SMIM14: variants seen among roughly 807,000 people sequenced by gnomAD.
SMIM14 encodes chromosome 4 open reading frame 34.
A neutral mutation model predicts 12.6 loss-of-function variants in SMIM14; 5 were observed. That is an observed-to-expected ratio of 0.40 (90% CI 0.21 to 0.83). The LOEUF is 0.83. Among genes scored for constraint, SMIM14 ranks in the 40% least tolerant of loss-of-function variants. The pLI is 0.37. For missense variants in SMIM14, 86 were observed against 119.1 expected (o/e 0.72, Z 1.29); for synonymous variants, 30 against 40.1 (o/e 0.75, Z 0.95).
Position 39,576,474 on chromosome 4 carries a change from C to T in SMIM14, c.76-4011G>A, listed in dbSNP as rs541804785. On this transcript the variant is annotated intron_variant, in intron 2 of 4. Transcript: ENST00000295958. Reference sequence around the variant, plus strand: ...CTGCCTGTGAGTCAGTATCAAGGAACCAAAAGGCCACTGTGGTTGAAGCGT... The same window carrying T: ...CTGCCTGTGAGTCAGTATCAAGGAATCAAAAGGCCACTGTGGTTGAAGCGT... 1.3e-3 allele frequency among the ~76,000 whole-genome samples: 196 copies of T among 151,040 alleles called. 1 individual carries two copies. Among genetic ancestry groups the T allele is most frequent in the African/African-American group, 4.6e-3 (188 of 41,254 alleles).
chr4:39,637,126 A>G (rs1481449073), intron 1 of SMIM14, among the ~76,000 whole-genome samples: 1 of 152,260 alleles, frequency 6.6e-6, no homozygotes, highest in Non-Finnish European at 1.5e-5. Flanking sequence ...CCATATTTGT[A>G]TAAAATATAT....
intron 1 of SMIM14, among the ~76,000 whole-genome samples, chr4:39,617,929 T>C (rs1330412174): frequency 2.0e-5 from 3 of 152,078 alleles, no homozygotes; most frequent in Non-Finnish European, 4.4e-5. Context: ...ATCAGGAAAA[T>C]GACAATGCCT....
intron 1 of SMIM14, among the ~76,000 whole-genome samples, chr4:39,618,840 G>T (rs952135595): frequency 6.6e-6 from 1 of 151,928 alleles, no homozygotes; most frequent in African/African-American, 2.4e-5. Context: ...CTGCATGTTG[G>T]ACCTTGCAGG....
intron 2 of SMIM14, among the ~76,000 whole-genome samples, chr4:39,601,165 T>A (rs1490333666): frequency 6.6e-6 from 1 of 152,194 alleles, no homozygotes; most frequent in Non-Finnish European, 1.5e-5. Context: ...GCAAAGCTCA[T>A]CTATTTCTAC....
chr4:39,631,634 G>A (rs1198896130), intron 1 of SMIM14, among the ~76,000 whole-genome samples: 1 of 151,370 alleles, frequency 6.6e-6, no homozygotes, highest in Non-Finnish European at 1.5e-5. Context: ...ACTCTAGCCT[G>A]GGCCACAGAG....
At chr4:39,638,606 C>T in intron 1 of SMIM14, 133 bp downstream of exon 1, 1 of 976,520 alleles carries the variant, frequency 1.0e-6, no homozygotes, top group Non-Finnish European at 1.2e-6. Flanking sequence ...GCCGAGGAAA[C>T]GCCAAGCCCG....
chr4:39,558,262 T>C lies in SMIM14; in HGVS notation c.125-1692A>G, dbSNP rs1712115753. Among the ~76,000 whole-genome samples, 1 of 152,106 alleles carries C rather than the reference T, an allele frequency of 6.6e-6. No homozygotes were observed. Among genetic ancestry groups the C allele is most frequent in the Admixed American group, 6.6e-5 (1 of 15,252 alleles). ...CAGCACTTTGGAAGGCCAAGATGGG[T>C]GGATTGCTTGAGCTCAGGAATTCGA... On this transcript the variant is annotated intron_variant, in intron 3 of 4. Transcript: ENST00000295958. This position sits in a 1 kb window ranked among gnomAD's most constrained non-coding sequence, Gnocchi z 4.3.
chr4:39,630,525 T>C (rs1454686457), intron 1 of SMIM14, among the ~76,000 whole-genome samples: 2 of 152,132 alleles, frequency 1.3e-5, no homozygotes, highest in African/African-American at 4.8e-5. Context: ...ATAAACATCA[T>C]TAGTCATACT....
At position 39,582,665 on chromosome 4, in the gene SMIM14, A is replaced by C. The variant is rs920299269; in HGVS notation, c.76-10202T>G. 3.7e-5 allele frequency among the ~76,000 whole-genome samples: 5 copies of C among 136,726 alleles called. No individual in the cohort carries two copies. The Admixed American group carries it at 4.0e-4, about 11-fold the overall frequency. The allele number at this position is 136,726 out of a possible 152,430, so 89.7% of individuals were successfully genotyped here. A position where few individuals can be genotyped will look rare whatever the true frequency, so the allele number is the denominator to read the frequency against. Reference sequence around the variant, plus strand: ...GGCAACAAGAGTGAAACTCCATTTCAAAAAAAAAAAGAAAGGGTCTTATAG... The same window carrying C: ...GGCAACAAGAGTGAAACTCCATTTCCAAAAAAAAAAGAAAGGGTCTTATAG... On this transcript the variant is annotated intron_variant, in intron 2 of 4. Coordinates refer to ENST00000295958, the MANE Select transcript of SMIM14 (RefSeq NM_174921.3).
At chr4:39,607,215 T>G (rs1229889111) in intron 1 of SMIM14, among the ~76,000 whole-genome samples, 4 of 152,194 alleles carry the variant, frequency 2.6e-5, no homozygotes, top group Non-Finnish European at 5.9e-5. Flanking sequence ...ATGTGAATTG[T>G]GGACACATCC....
intron 2 of SMIM14, among the ~76,000 whole-genome samples, chr4:39,573,694 C>G (rs544916707): frequency 6.6e-6 from 1 of 151,420 alleles, no homozygotes; most frequent in South Asian, 2.1e-4. Flanking sequence ...AAATTAGAAG[C>G]AGATAAAGAA....
chr4:39,572,547 G>A (rs911559485), intron 2 of SMIM14, 84 bp from the exon 3 acceptor site: 52 of 1,203,068 alleles, frequency 4.3e-5, no homozygotes, highest in Non-Finnish European at 5.5e-5. Flanking sequence ...GTTTTGGCCG[G>A]GTGCGGTGGC....
intron 4 of SMIM14, 44 bp downstream of exon 4, chr4:39,556,384 T>G (rs757656778): frequency 7.0e-6 from 11 of 1,582,316 alleles, no homozygotes; most frequent in Middle Eastern, 1.7e-4. Flanking sequence ...CCAGGCCACA[T>G]ACATTCCCTT....
At chr4:39,576,676 ATATATATATTTTTTTTTTTT>A (rs1713199580) in intron 2 of SMIM14, among the ~76,000 whole-genome samples, 2 of 31,052 alleles carry the variant, frequency 6.4e-5, no homozygotes, top group African/African-American at 2.0e-4. Context: ...ATATATATAT[ATATATATATTTTTTTTTTTT>A]TTTTTTTTTT....
At chr4:39,600,732 G>A (rs56859166) in intron 2 of SMIM14, among the ~76,000 whole-genome samples, 18,727 of 151,836 alleles carry the variant, frequency 0.12, 1,693 homozygotes, top group South Asian at 0.32. Context: ...CTAGCCAGGT[G>A]TGGTGCTGTG....
At chr4:39,560,401 T>A (rs1261728493) in intron 3 of SMIM14, among the ~76,000 whole-genome samples, 5 of 151,702 alleles carry the variant, frequency 3.3e-5, no homozygotes, top group Non-Finnish European at 5.9e-5. Context: ...CTCAAACTCC[T>A]GACCTCAGGT....
At chr4:39,585,354 T>C (rs1229015811) in intron 2 of SMIM14, among the ~76,000 whole-genome samples, 1 of 151,996 alleles carries the variant, frequency 6.6e-6, no homozygotes, top group Non-Finnish European at 1.5e-5. Flanking sequence ...TGGAGTGCAG[T>C]GGTGCAATCT....
intron 4 of SMIM14, among the ~76,000 whole-genome samples, chr4:39,554,428 T>C (rs1711893915): frequency 6.6e-6 from 1 of 152,082 alleles, no homozygotes; most frequent in Admixed American, 6.6e-5. Flanking sequence ...GCCAACATGG[T>C]GAAACCCCAT....
intron 3 of SMIM14, among the ~76,000 whole-genome samples, chr4:39,563,459 C>T (rs149247342): frequency 1.4e-4 from 21 of 152,312 alleles, no homozygotes; most frequent in African/African-American, 5.1e-4. Context: ...CTGCCTAAGA[C>T]CATCTGATTC....
Sources: allele counts gnomAD v4.1 joint callset (sites outside exome capture counted in the v4.1 genomes callset), GRCh38; gene constraint gnomAD v4.1.1; non-coding constraint Gnocchi (gnomAD v3.1); transcripts MANE v1.5; gene names NCBI Gene and HGNC (gene_info 2026-07-23, HGNC 2026-07-21).